The following NRG1 variants were observed in gnomAD, a reference collection of about 807,000 sequenced individuals.
NRG1 encodes the protein neuregulin 1.
Under a neutral mutation model 63.8 loss-of-function variants are expected in NRG1, and 18 were observed. That is an observed-to-expected ratio of 0.28 (90% CI 0.19 to 0.42). NRG1 has a LOEUF of 0.42. Among genes scored for constraint, NRG1 ranks in the 10% least tolerant of loss-of-function variants. NRG1 has a pLI of 1.00. For synonymous variants in NRG1, 302 were observed against 301.3 expected, an observed-to-expected ratio of 1.00 and a Z score of -0.02; for missense variants, 762 against 814.7, an observed-to-expected ratio of 0.94 and a Z score of 0.79.
chr8:31,677,175 C>A (rs976808697), intron 1 of NRG1, among the ~76,000 whole-genome samples: 1 of 152,120 alleles, frequency 6.6e-6, no homozygotes, highest in African/African-American at 2.4e-5. Context: ...TTCTGCCACC[C>A]AGCCAGTTTC....
At chr8:31,744,988 T>C (rs796338457) in intron 1 of NRG1, among the ~76,000 whole-genome samples, 13 of 152,012 alleles carry the variant, frequency 8.6e-5, no homozygotes, top group African/African-American at 3.1e-4. Flanking sequence ...ATGTTGAGGT[T>C]TCACAGTAGG....
intron 1 of NRG1, among the ~76,000 whole-genome samples, chr8:32,195,975 AT>A (rs1279570168): frequency 1.3e-4 from 20 of 152,254 alleles, no homozygotes; most frequent in Middle Eastern, 3.4e-3. Context: ...AGTAATTGTG[AT>A]TTTTGCCATT....
At chr8:32,153,581 A>G (rs955080142) in intron 1 of NRG1, among the ~76,000 whole-genome samples, 1 of 152,316 alleles carries the variant, frequency 6.6e-6, no homozygotes, top group East Asian at 1.9e-4. Flanking sequence ...AAATTAGTCT[A>G]TGGCCATATC....
intron 1 of NRG1, among the ~76,000 whole-genome samples, chr8:32,007,145 G>T (rs1813909323): frequency 6.6e-6 from 1 of 152,000 alleles, no homozygotes; most frequent in Admixed American, 6.6e-5. Context: ...AAAAGTTTCA[G>T]TTGTTAAGAT....
chr8:31,851,391 C>G (rs967777580), intron 1 of NRG1, among the ~76,000 whole-genome samples: 2 of 151,910 alleles, frequency 1.3e-5, no homozygotes, highest in Non-Finnish European at 2.9e-5. Flanking sequence ...TTTTATGATG[C>G]CTGGTTGGTG....
At chr8:32,155,976 T>G (rs973453571) in intron 1 of NRG1, among the ~76,000 whole-genome samples, 53 of 152,156 alleles carry the variant, frequency 3.5e-4, no homozygotes, top group African/African-American at 1.3e-3. Flanking sequence ...GTCAAAAGGG[T>G]TATTTCCACA....
At chr8:32,614,689 A>C in intron 4 of NRG1, 125 bp downstream of exon 4, 2 of 846,522 alleles carry the variant, frequency 2.4e-6, no homozygotes, top group Non-Finnish European at 3.8e-6. Flanking sequence ...TTTCTGCTTC[A>C]ATATTTTTCT....
chr8:31,648,427 C>T (rs920778429), intron 1 of NRG1, among the ~76,000 whole-genome samples: 4 of 152,220 alleles, frequency 2.6e-5, no homozygotes, highest in Admixed American at 6.5e-5. Context: ...CCACCGCGCC[C>T]GGCCCTACCT....
intron 5 of NRG1, among the ~76,000 whole-genome samples, chr8:32,622,968 C>T (rs1348444737): frequency 6.6e-6 from 1 of 152,192 alleles, no homozygotes; most frequent in African/African-American, 2.4e-5. Flanking sequence ...AGTGATGATG[C>T]TGACAGTTCT....
At chr8:32,548,956 C>T in intron 1 of NRG1, 130 bp downstream of exon 1, 1 of 1,258,946 alleles carries the variant, frequency 7.9e-7, no homozygotes, top group Non-Finnish European at 1.1e-6. Flanking sequence ...GCTCTGAGCG[C>T]CCGTTGAGTC....
At chr8:32,567,655 T>C (rs971211254) in intron 1 of NRG1, among the ~76,000 whole-genome samples, 2 of 152,228 alleles carry the variant, frequency 1.3e-5, no homozygotes, top group Admixed American at 1.3e-4. Context: ...TTCTTTTTTA[T>C]ATAAACTGTT....
intron 1 of NRG1, among the ~76,000 whole-genome samples, chr8:31,709,205 AT>A (rs373969578): frequency 0.37 from 52,857 of 143,160 alleles, 9,866 homozygotes; most frequent in Admixed American, 0.44. Flanking sequence ...TAATCAAGTG[AT>A]TTTTTTTTTT....
intron 1 of NRG1, among the ~76,000 whole-genome samples, chr8:32,243,641 C>T (rs1848337030): frequency 6.6e-6 from 1 of 152,030 alleles, no homozygotes; most frequent in South Asian, 2.1e-4. Flanking sequence ...GAGGTATGAA[C>T]CAGACTTCAT....
intron 1 of NRG1, among the ~76,000 whole-genome samples, chr8:32,531,153 A>G (rs1295025047): frequency 2.0e-5 from 3 of 152,058 alleles, no homozygotes; most frequent in Non-Finnish European, 4.4e-5. Flanking sequence ...AGAAGGAGAG[A>G]AAAGAGAGAA....
chr8:31,959,503 G>C (rs771024392), intron 1 of NRG1, among the ~76,000 whole-genome samples: 1 of 152,118 alleles, frequency 6.6e-6, no homozygotes, highest in Non-Finnish European at 1.5e-5. Flanking sequence ...TGCTGAATGG[G>C]GAGAGGTTTA....
intron 1 of NRG1, among the ~76,000 whole-genome samples, chr8:32,398,346 T>A (rs952989102): frequency 6.6e-6 from 1 of 151,942 alleles, no homozygotes; most frequent in African/African-American, 2.4e-5. Context: ...ACTCTGTTTT[T>A]ATTTATTGTC....
intron 1 of NRG1, among the ~76,000 whole-genome samples, chr8:32,253,883 T>C (rs1409185750): frequency 6.6e-6 from 1 of 152,204 alleles, no homozygotes; most frequent in Non-Finnish European, 1.5e-5. Context: ...TATTGGTCTA[T>C]TCAGGGATTT....
intron 1 of NRG1, among the ~76,000 whole-genome samples, chr8:32,083,497 C>T (rs1179743722): frequency 6.6e-6 from 1 of 152,122 alleles, no homozygotes; most frequent in Non-Finnish European, 1.5e-5. Context: ...CATATTTTAT[C>T]TCAAATCCCA....
At chr8:32,591,896 A>T (rs1842588514) in intron 1 of NRG1, among the ~76,000 whole-genome samples, 1 of 152,074 alleles carries the variant, frequency 6.6e-6, no homozygotes, top group Non-Finnish European at 1.5e-5. Flanking sequence ...TGCAACACTC[A>T]ATTTACCCAT....
Sources: gnomAD v4.1 joint callset for allele counts (sites outside exome capture counted in the v4.1 genomes callset) on GRCh38, gnomAD v4.1.1 for gene constraint, MANE v1.5 for transcripts, NCBI Gene and HGNC (gene_info 2026-07-23, HGNC 2026-07-21) for gene names.